Variants in CNBD1 observed in about 807,000 individuals in gnomAD.
CNBD1 encodes the protein cyclic nucleotide binding domain containing 1.
CNBD1 carries 71 observed loss-of-function variants against 54.4 expected under a neutral mutation model. That is an observed-to-expected ratio of 1.30 (90% CI 1.08 to 1.59). The LOEUF (loss-of-function observed/expected upper bound fraction) is 1.59, where lower values mean the gene tolerates loss of function less well. Ranked by LOEUF, CNBD1 falls within the 40% of genes most tolerant of loss-of-function variation. The pLI, the probability that CNBD1 is intolerant of heterozygous loss-of-function variation, is 0.00. For synonymous variants in CNBD1, 182 were observed against 170.7 expected (o/e 1.07, Z -0.51); for missense variants, 659 against 518.0 (o/e 1.27, Z -2.64).
At chr8:87,339,588 A>G (rs1810023903) in intron 8 of CNBD1, among the ~76,000 whole-genome samples, 1 of 152,150 alleles carries the variant, frequency 6.6e-6, no homozygotes, top group Non-Finnish European at 1.5e-5. Context: ...AGCTTCTTAT[A>G]TACTGGATCA....
At chr8:87,202,118 T>C (rs939121292) in intron 4 of CNBD1, among the ~76,000 whole-genome samples, 5 of 152,026 alleles carry the variant, frequency 3.3e-5, no homozygotes, top group African/African-American at 1.2e-4. Context: ...AAGATAAAAT[T>C]GAAGGAAAAT....
chr8:87,330,404 C>A (rs917809201), intron 8 of CNBD1, among the ~76,000 whole-genome samples: 14 of 151,702 alleles, frequency 9.2e-5, no homozygotes, highest in Admixed American at 7.9e-4. Context: ...GGATTAATTT[C>A]TTCTTCCTTT....
intron 4 of CNBD1, among the ~76,000 whole-genome samples, chr8:86,987,328 G>T (rs1808631458): frequency 6.6e-6 from 1 of 152,104 alleles, no homozygotes; most frequent in Non-Finnish European, 1.5e-5. Context: ...ATTGGACATA[G>T]AAATGCTACT....
intron 8 of CNBD1, among the ~76,000 whole-genome samples, chr8:87,296,091 T>C (rs1411748981): frequency 1.3e-5 from 2 of 152,144 alleles, no homozygotes. Flanking sequence ...AATAAGTACA[T>C]ATGTTTATAG....
intron 10 of CNBD1, among the ~76,000 whole-genome samples, chr8:87,361,097 C>T (rs1318807816): frequency 6.6e-6 from 1 of 151,886 alleles, no homozygotes; most frequent in Admixed American, 6.6e-5. Flanking sequence ...ACGACTCTTT[C>T]CCCTTTTGCG....
At chr8:86,913,525 G>A (rs1179169485) in intron 3 of CNBD1, among the ~76,000 whole-genome samples, 2 of 152,046 alleles carry the variant, frequency 1.3e-5, no homozygotes, top group African/African-American at 4.8e-5. Context: ...GGGTGTCTGG[G>A]GGAGACATCA....
intron 4 of CNBD1, among the ~76,000 whole-genome samples, chr8:87,158,460 T>C (rs1300539006): frequency 6.6e-6 from 1 of 152,226 alleles, no homozygotes; most frequent in Non-Finnish European, 1.5e-5. Flanking sequence ...ACTTGATTTC[T>C]ATCCAAGGAG....
intron 6 of CNBD1, among the ~76,000 whole-genome samples, chr8:87,264,467 G>A (rs1054131894): frequency 4.3e-4 from 65 of 152,148 alleles, no homozygotes; most frequent in African/African-American, 8.9e-4. Context: ...ATACATGTGC[G>A]TGTGTCTTTA....
chr8:87,335,926 C>T (rs1026699834), intron 8 of CNBD1, among the ~76,000 whole-genome samples: 2 of 152,092 alleles, frequency 1.3e-5, no homozygotes, highest in Non-Finnish European at 2.9e-5. Context: ...TCAGCATTTG[C>T]TTGTCTGAAA....
chr8:87,352,478 C>CAAA (rs386413278), intron 9 of CNBD1, among the ~76,000 whole-genome samples: 6,107 of 107,404 alleles, frequency 0.057, 612 homozygotes, highest in African/African-American at 0.18. Context: ...GACTCTGTCT[C>CAAA]AAAAAAAAAA....
intron 8 of CNBD1, among the ~76,000 whole-genome samples, chr8:87,347,591 G>A (rs1299878332): frequency 6.6e-6 from 1 of 152,196 alleles, no homozygotes; most frequent in Non-Finnish European, 1.5e-5. Context: ...AGAAGGAGCA[G>A]TATAGAGTAG....
chr8:87,366,972 C>G (rs1338516647), intron 10 of CNBD1, among the ~76,000 whole-genome samples: 2 of 151,978 alleles, frequency 1.3e-5, no homozygotes, highest in African/African-American at 4.8e-5. Flanking sequence ...GAATATTTGC[C>G]TGTAATTCCT....
chr8:87,097,496 C>G (rs1489335108), intron 4 of CNBD1, among the ~76,000 whole-genome samples: 1 of 152,176 alleles, frequency 6.6e-6, no homozygotes, highest in Non-Finnish European at 1.5e-5. Flanking sequence ...ACTTGACAAG[C>G]ACAAGTCCTG....
At chr8:87,133,210 TTTCTGCCAG>T (rs1471793022) in intron 4 of CNBD1, among the ~76,000 whole-genome samples, 1 of 152,198 alleles carries the variant, frequency 6.6e-6, no homozygotes. Flanking sequence ...TAAAAATTCC[TTTCTGCCAG>T]TTCCAGCATC....
rs35466004 is a variant in CNBD1 at position 87,087,247 on chromosome 8, G to GTATA, written c.432-118735_432-118732dup. Among the ~76,000 whole-genome samples, 48 of 132,146 alleles carry GTATA rather than the reference G, an allele frequency of 3.6e-4. 1 individual carries two copies. Among genetic ancestry groups the GTATA allele is most frequent in the Admixed American group, 1.1e-3 (14 of 13,092 alleles). The allele number at this position is 132,146 out of a possible 152,430, so 86.7% of individuals were successfully genotyped here. On this transcript the variant is annotated intron_variant, in intron 4 of 10. Transcript: ENST00000518476. ...TACACACACACACATATATATATACGTATATATATATATACATATATATAT... is the reference window on the plus strand; with the variant it reads ...TACACACACACACATATATATATACGTATATATATATATATATACATATATATAT...
chr8:87,275,675 C>T (rs1270900276), intron 6 of CNBD1, among the ~76,000 whole-genome samples: 2 of 141,332 alleles, frequency 1.4e-5, no homozygotes, highest in Admixed American at 7.2e-5. Flanking sequence ...GACAGGGATG[C>T]CCTCTCTCAC....
At chr8:87,115,504 T>G (rs1434686782) in intron 4 of CNBD1, among the ~76,000 whole-genome samples, 3 of 152,180 alleles carry the variant, frequency 2.0e-5, no homozygotes, top group Admixed American at 2.0e-4. Flanking sequence ...CTATTTCTAT[T>G]TTTCATCCAA....
chr8:87,327,816 T>C (rs1037983435), intron 8 of CNBD1, among the ~76,000 whole-genome samples: 1 of 152,206 alleles, frequency 6.6e-6, no homozygotes, highest in African/African-American at 2.4e-5. Flanking sequence ...TTCGGCCATC[T>C]TGGCTCCTCC....
intron 2 of CNBD1, among the ~76,000 whole-genome samples, chr8:87,415,113 C>G (rs112561940): frequency 0.015 from 2,284 of 152,090 alleles, 58 homozygotes; most frequent in African/African-American, 0.049. Flanking sequence ...TGAGTGTATC[C>G]CCAAAGGTGC....
Sources: gnomAD v4.1 joint callset for allele counts (sites outside exome capture counted in the v4.1 genomes callset) on GRCh38, gnomAD v4.1.1 for gene constraint, MANE v1.5 for transcripts, NCBI Gene and HGNC (gene_info 2026-07-23, HGNC 2026-07-21) for gene names.